The following LRP1B variants were observed in gnomAD, a reference collection of about 807,000 sequenced individuals.
The protein encoded by LRP1B is LDL receptor related protein 1B, also known as low-density lipoprotein receptor-related protein 1B.
Under a neutral mutation model 556.6 loss-of-function variants are expected in LRP1B, and 217 were observed. That is an observed-to-expected ratio of 0.39 (90% confidence interval 0.35 to 0.44). The LOEUF (loss-of-function observed/expected upper bound fraction) is 0.44, where lower values mean the gene tolerates loss of function less well. LRP1B is among the 20% of genes least tolerant of loss of function. LRP1B has a pLI of 1.00. For missense variants in LRP1B, 5,053 were observed against 5,620.8 expected, an observed-to-expected ratio of 0.90 and a Z score of 3.23; for synonymous variants, 2,047 against 1,865.8, an observed-to-expected ratio of 1.10 and a Z score of -2.50.
chr2:141,869,557 T>G (rs1163667713), intron 1 of LRP1B, among the ~76,000 whole-genome samples: 1 of 152,094 alleles, frequency 6.6e-6, no homozygotes, highest in Non-Finnish European at 1.5e-5. Flanking sequence ...TACCTTACCA[T>G]AAAAAGGTAG....
At position 140,598,732 on chromosome 2, in the gene LRP1B, G is replaced by C. The variant is rs770826219; in HGVS notation, c.7093C>G (p.Pro2365Ala). ...CGGTAGTCGATAGTAAGTCCATTTGGAGTGAGTATGTCTGTACTGACCACC... is the reference window on the plus strand; with the variant it reads ...CGGTAGTCGATAGTAAGTCCATTTGCAGTGAGTATGTCTGTACTGACCACC... ...QVVVSTDILT[P>A]NGLTIDYRAE... The change falls in exon 43 of 91, where the codon CCA (proline) becomes GCA (alanine). Residue 2365 changes from proline (P) to alanine (A), a missense_variant. Around this residue, in one of 5 missense-constraint regions of LRP1B, gnomAD observed 3,619 missense variants for 3,931.9 expected, o/e 0.92. Coordinates refer to ENST00000389484, the MANE Select transcript of LRP1B (RefSeq NM_018557.3). 1 of 1,613,258 alleles carries C rather than the reference G, an allele frequency of 6.2e-7. No individual in the cohort carries two copies. Among genetic ancestry groups the C allele is most frequent in the South Asian group, 1.1e-5 (1 of 91,054 alleles).
intron 20 of LRP1B, among the ~76,000 whole-genome samples, chr2:140,928,882 A>G (rs1694965651): frequency 6.6e-6 from 1 of 152,106 alleles, no homozygotes; most frequent in African/African-American, 2.4e-5. Context: ...TAATTTTTAC[A>G]GAAAAAGAAA....
At chr2:140,766,049 G>C (rs941114021) in intron 35 of LRP1B, among the ~76,000 whole-genome samples, 5 of 151,920 alleles carry the variant, frequency 3.3e-5, no homozygotes, top group Admixed American at 3.3e-4. Flanking sequence ...AGAGGCAACT[G>C]TGCCCTTCCA....
At chr2:140,612,548 G>A (rs56788838) in intron 41 of LRP1B, among the ~76,000 whole-genome samples, 33,924 of 151,858 alleles carry the variant, frequency 0.22, 4,145 homozygotes, top group Admixed American at 0.3. Flanking sequence ...ACACGTCACC[G>A]ATACCTCCTT....
At chr2:141,330,305 T>C (rs562797655) in intron 3 of LRP1B, among the ~76,000 whole-genome samples, 5 of 152,268 alleles carry the variant, frequency 3.3e-5, no homozygotes, top group African/African-American at 1.2e-4. Context: ...TTTCAGTAAG[T>C]CATCTTAGAA....
At chr2:141,529,724 C>T (rs1470351165) in intron 2 of LRP1B, among the ~76,000 whole-genome samples, 2 of 152,088 alleles carry the variant, frequency 1.3e-5, no homozygotes, top group East Asian at 3.9e-4. Context: ...TATCATTATT[C>T]AGCAACACAT....
At chr2:140,614,775 C>G (rs1683200055) in intron 41 of LRP1B, among the ~76,000 whole-genome samples, 2 of 152,112 alleles carry the variant, frequency 1.3e-5, no homozygotes, top group African/African-American at 4.8e-5. Flanking sequence ...CTTATTTAAG[C>G]TTGTTGACTT....
At chr2:140,975,789 C>A (rs552438154) in intron 18 of LRP1B, among the ~76,000 whole-genome samples, 10 of 152,130 alleles carry the variant, frequency 6.6e-5, no homozygotes, top group African/African-American at 1.7e-4. Context: ...AAATATTATA[C>A]TTAATCAGGA....
At chr2:141,698,845 C>A (rs1452100035) in intron 2 of LRP1B, among the ~76,000 whole-genome samples, 2 of 151,790 alleles carry the variant, frequency 1.3e-5, no homozygotes, top group African/African-American at 4.8e-5. Context: ...GCCCCTGCCC[C>A]ACTCCTAATG....
intron 82 of LRP1B, among the ~76,000 whole-genome samples, chr2:140,321,679 A>G (rs1680141664): frequency 6.6e-6 from 1 of 151,968 alleles, no homozygotes; most frequent in Admixed American, 6.6e-5. Flanking sequence ...ATCTAATAGA[A>G]GAGTTATAAA....
At chr2:140,698,503 C>T (rs556517437) in intron 41 of LRP1B, among the ~76,000 whole-genome samples, 2 of 152,072 alleles carry the variant, frequency 1.3e-5, no homozygotes, top group East Asian at 3.9e-4. Context: ...CATTGTTTTA[C>T]AATGTTACAA....
At chr2:141,276,603 C>A (rs1685297452) in intron 3 of LRP1B, among the ~76,000 whole-genome samples, 1 of 151,494 alleles carries the variant, frequency 6.6e-6, no homozygotes, top group Admixed American at 6.6e-5. Flanking sequence ...CAGCTCCATC[C>A]ATGTTGATGC....
chr2:141,438,193 T>A (rs1302502002), intron 3 of LRP1B, among the ~76,000 whole-genome samples: 2 of 152,186 alleles, frequency 1.3e-5, no homozygotes, highest in African/African-American at 2.4e-5. Context: ...AGTCGATGCT[T>A]AAGTTGATTA....
intron 1 of LRP1B, among the ~76,000 whole-genome samples, chr2:142,096,831 C>T (rs565416524): frequency 2.6e-5 from 4 of 151,630 alleles, no homozygotes; most frequent in South Asian, 4.1e-4. Context: ...CACCCAGGTA[C>T]TGAGCATAGT....
At chr2:141,969,542 TATA>T in intron 1 of LRP1B, among the ~76,000 whole-genome samples, 1 of 151,700 alleles carries the variant, frequency 6.6e-6, no homozygotes. Context: ...TTATTTCACT[TATA>T]ATGTTCACCA....
At chr2:142,061,796 C>A (rs538740470) in intron 1 of LRP1B, among the ~76,000 whole-genome samples, 1 of 151,880 alleles carries the variant, frequency 6.6e-6, no homozygotes, top group Non-Finnish European at 1.5e-5. Flanking sequence ...CATTTCATTT[C>A]GTCTGATATT....
chr2:140,298,684 T>A (rs1683700979), intron 83 of LRP1B, among the ~76,000 whole-genome samples: 1 of 152,116 alleles, frequency 6.6e-6, no homozygotes, highest in Non-Finnish European at 1.5e-5. Flanking sequence ...TGACTATTTT[T>A]CTTTATTTAC....
chr2:141,045,843 G>T (rs2105440221), intron 11 of LRP1B, among the ~76,000 whole-genome samples: 1 of 152,190 alleles, frequency 6.6e-6, no homozygotes, highest in African/African-American at 2.4e-5. Context: ...TTTTGACAAA[G>T]ATTCCAGGTG....
intron 90 of LRP1B, among the ~76,000 whole-genome samples, chr2:140,234,465 A>G (rs1019412365): frequency 1.3e-5 from 2 of 151,308 alleles, no homozygotes; most frequent in Non-Finnish European, 3.0e-5. Context: ...AATAAAATCA[A>G]AAGTTTATTC....
Sources: gnomAD v4.1 joint callset for allele counts (sites outside exome capture counted in the v4.1 genomes callset) on GRCh38, gnomAD v4.1.1 for gene constraint, gnomAD v4.1.1 regional missense constraint, MANE v1.5 for transcripts, NCBI Gene and HGNC (gene_info 2026-07-23, HGNC 2026-07-21) for gene names.